The following FBXO28 variants were observed in gnomAD, a reference collection of about 807,000 sequenced individuals.
FBXO28 encodes the protein F-box only protein 28.
Under a neutral mutation model 38.1 loss-of-function variants are expected in FBXO28, and 8 were observed. The ratio of observed to expected loss-of-function variants is 0.21; its 90% CI spans 0.12 to 0.38. The LOEUF (loss-of-function observed/expected upper bound fraction) is 0.38, where lower values mean the gene tolerates loss of function less well. FBXO28 is among the 10% of genes least tolerant of loss of function. The probability of loss-of-function intolerance (pLI) is 1.00; values close to 1 mark genes in which losing one functional copy is unlikely to be tolerated. For synonymous variants in FBXO28, 168 were observed against 173.8 expected (o/e 0.97, Z 0.26); for missense variants, 345 against 460.6 (o/e 0.75, Z 2.30).
chr1:224,131,782 CA>C (rs1657054428), intron 2 of FBXO28, among the ~76,000 whole-genome samples: 1 of 152,044 alleles, frequency 6.6e-6, no homozygotes, highest in Non-Finnish European at 1.5e-5. Context: ...ACCAAAAGCA[CA>C]AGTAGCAAAA....
At chr1:224,117,501 G>A (rs1159829015) in intron 1 of FBXO28, among the ~76,000 whole-genome samples, 1 of 151,766 alleles carries the variant, frequency 6.6e-6, no homozygotes, top group African/African-American at 2.4e-5. Flanking sequence ...CCTGAGTCTG[G>A]TGGTTTCACA....
chr1:224,157,671 T>G lies in FBXO28; in HGVS notation c.1032T>G (p.Ser344=), dbSNP rs1261513259. 1.2e-6 allele frequency: 2 copies of G among 1,613,944 alleles called. No homozygotes were observed. The highest frequency in any genetic ancestry group is 2.7e-5 in the African/African-American group (2 of 74,910). Residue 344 remains serine (S), a synonymous_variant, in exon 5 of 5, where the codon TCT becomes TCG. Transcript: ENST00000366862. ...NSSGSGQNEE[S]PRKRKKATEA... Reference sequence around the variant, plus strand: ...CAGGGTCCGGGCAGAATGAGGAGTCTCCTCGGAAACGAAAAAAGGCCACGG... The same window carrying G: ...CAGGGTCCGGGCAGAATGAGGAGTCGCCTCGGAAACGAAAAAAGGCCACGG...
At chr1:224,119,776 A>G (rs553343228) in intron 1 of FBXO28, among the ~76,000 whole-genome samples, 128 of 152,118 alleles carry the variant, frequency 8.4e-4, no homozygotes, top group African/African-American at 3.0e-3. Context: ...TTCCCAGCAG[A>G]AAAAAAACGA....
At chr1:224,148,391 C>T (rs1657561438) in intron 3 of FBXO28, among the ~76,000 whole-genome samples, 1 of 152,164 alleles carries the variant, frequency 6.6e-6, no homozygotes. Context: ...TGGCTCACGC[C>T]TGCAATCCCA....
rs1213875603 is a variant in FBXO28 at position 224,158,511 on chromosome 1, T to A, written c.*765T>A. On this transcript the variant is annotated 3_prime_UTR_variant, in exon 5 of 5. Transcript: ENST00000366862. ...CCACTTTTTAGAGCGGCGTCTTAGT[T>A]TATTTAAACGCTTAACATCTTCCAC... The A allele has an allele frequency of 2.0e-5, 3 of 152,688 alleles. No homozygotes were observed. The highest frequency in any genetic ancestry group is 2.1e-4 in the South Asian group (1 of 4,828). The allele number at this position is 152,688 out of a possible 1,614,324, so 9.5% of individuals were successfully genotyped here. A position where few individuals can be genotyped will look rare whatever the true frequency, so the allele number is the denominator to read the frequency against.
At chr1:224,139,764 G>GCATGCATGCATACATACATA (rs1386239166) in intron 3 of FBXO28, among the ~76,000 whole-genome samples, 3,900 of 145,948 alleles carry the variant, frequency 0.027, 86 homozygotes, top group African/African-American at 0.041. Context: ...ATGCATGCAT[G>GCATGCATGCATACATACATA]CATACATACA....
chr1:224,134,717 A>G (rs1199437167), intron 3 of FBXO28, among the ~76,000 whole-genome samples: 1 of 152,208 alleles, frequency 6.6e-6, no homozygotes, highest in Non-Finnish European at 1.5e-5. Flanking sequence ...AGAAATAACT[A>G]TATTGTGGCA....
At chr1:224,148,703 A>G (rs555195845) in intron 3 of FBXO28, among the ~76,000 whole-genome samples, 2 of 152,174 alleles carry the variant, frequency 1.3e-5, no homozygotes, top group African/African-American at 4.8e-5. Flanking sequence ...CCTAGAATAA[A>G]TGCTTGGTAC....
chr1:224,154,674 G>A (rs1266284535), intron 4 of FBXO28, among the ~76,000 whole-genome samples: 2 of 152,212 alleles, frequency 1.3e-5, no homozygotes, highest in Non-Finnish European at 2.9e-5. Context: ...TGGGCGCGGT[G>A]GTGGGTGTCT....
At chr1:224,126,386 C>G (rs1486904314) in intron 1 of FBXO28, among the ~76,000 whole-genome samples, 1 of 152,176 alleles carries the variant, frequency 6.6e-6, no homozygotes, top group Non-Finnish European at 1.5e-5. Context: ...TATATTGCTG[C>G]TAAAAATTAT....
At chr1:224,145,967 G>A (rs1657493938) in intron 3 of FBXO28, among the ~76,000 whole-genome samples, 1 of 152,038 alleles carries the variant, frequency 6.6e-6, no homozygotes, top group Non-Finnish European at 1.5e-5. Context: ...TCAGGAGGCT[G>A]AGGCAGGAGA....
chr1:224,145,620 A>G (rs1015665912), intron 3 of FBXO28, among the ~76,000 whole-genome samples: 1 of 152,178 alleles, frequency 6.6e-6, no homozygotes, highest in African/African-American at 2.4e-5. Flanking sequence ...TCAAACAAAC[A>G]TGCCATATAA....
intron 3 of FBXO28, among the ~76,000 whole-genome samples, chr1:224,139,629 C>T (rs767924920): frequency 2.6e-5 from 4 of 151,954 alleles, no homozygotes; most frequent in Non-Finnish European, 5.9e-5. Flanking sequence ...TAGTCCCAGC[C>T]ACTTGGGAGG....
intron 3 of FBXO28, among the ~76,000 whole-genome samples, chr1:224,134,592 G>C (rs530579706): frequency 6.6e-5 from 10 of 152,228 alleles, no homozygotes; most frequent in African/African-American, 1.7e-4. Flanking sequence ...GCTGGTTTTT[G>C]TTTTGTTTGA....
intron 2 of FBXO28, among the ~76,000 whole-genome samples, chr1:224,133,657 A>G (rs1439013310): frequency 6.6e-6 from 1 of 151,992 alleles, no homozygotes; most frequent in Non-Finnish European, 1.5e-5. Flanking sequence ...AGCTGGGACT[A>G]TAGGCATGCA....
chr1:224,153,638 C>T (rs116586026), intron 4 of FBXO28, among the ~76,000 whole-genome samples: 317 of 152,216 alleles, frequency 2.1e-3, no homozygotes, highest in African/African-American at 7.0e-3. Context: ...TAGCTGGGCC[C>T]GGCCAGGCGC....
chr1:224,131,152 A>G (rs1657032051), intron 2 of FBXO28: 1 of 152,254 alleles, frequency 6.6e-6, no homozygotes, highest in Non-Finnish European at 1.5e-5. Context: ...GGATTTGAAG[A>G]CTTCATATTG....
chr1:224,130,741 C>A, intron 2 of FBXO28, 160 bp downstream of exon 2: 2 of 512,738 alleles, frequency 3.9e-6, no homozygotes, highest in Non-Finnish European at 7.0e-6. Context: ...CCATTCTCAC[C>A]GTTTGTGATC....
chr1:224,155,636 G>T (rs1190472956), intron 4 of FBXO28, among the ~76,000 whole-genome samples: 1 of 152,182 alleles, frequency 6.6e-6, no homozygotes, highest in Non-Finnish European at 1.5e-5. Flanking sequence ...AATTAGGAAA[G>T]AATTTAGTAA....
Sources: gnomAD v4.1 joint callset for allele counts (sites outside exome capture counted in the v4.1 genomes callset) on GRCh38, gnomAD v4.1.1 for gene constraint, MANE v1.5 for transcripts, NCBI Gene and HGNC (gene_info 2026-07-23, HGNC 2026-07-21) for gene names.